The following FGGY variants were observed in gnomAD, a reference collection of about 807,000 sequenced individuals.
FGGY encodes the protein FGGY carbohydrate kinase domain-containing protein.
FGGY carries 72 observed loss-of-function variants against 71.3 expected under a neutral mutation model. That is an observed-to-expected ratio of 1.01 (90% CI 0.84 to 1.23). FGGY has a LOEUF of 1.23. Among genes scored for constraint, FGGY ranks in the 50% most tolerant of loss-of-function variants. The pLI is 0.00. For synonymous variants in FGGY, 251 were observed against 250.3 expected, an observed-to-expected ratio of 1.00 and a Z score of -0.02; for missense variants, 668 against 682.3, an observed-to-expected ratio of 0.98 and a Z score of 0.23.
At chr1:59,583,247 G>A (rs2096226943) in intron 8 of FGGY, among the ~76,000 whole-genome samples, 1 of 143,048 alleles carries the variant, frequency 7.0e-6, no homozygotes, top group Non-Finnish European at 1.5e-5. Context: ...GTTCTCTTCG[G>A]CCCATCATCC....
rs763380259 is a variant in FGGY, at chr1:59,340,047, C to G, written c.291C>G (p.His97Gln). ...TGGTTGTTTTGGATAAGCAGTTTCA[C>G]CCATTACCAGTCAACCAGGAAGGTA... Reference protein sequence around the residue: ...CSLVVLDKQFHPLPVNQEGDS... With the variant: ...CSLVVLDKQFQPLPVNQEGDS... Residue 97 changes from histidine (H) to glutamine (Q), a missense_variant, in exon 3 of 16, where the codon CAC becomes CAG. Coordinates refer to ENST00000303721, the MANE Select transcript of FGGY (RefSeq NM_018291.5). The G allele has an allele frequency of 6.2e-7, 1 of 1,612,392 alleles. No homozygotes were observed. Among genetic ancestry groups the G allele is most frequent in the South Asian group, 1.1e-5 (1 of 90,716 alleles).
chr1:59,604,753 C>G (rs910903813), intron 8 of FGGY, among the ~76,000 whole-genome samples: 3 of 152,188 alleles, frequency 2.0e-5, no homozygotes, highest in African/African-American at 7.2e-5. Flanking sequence ...TACACAACCT[C>G]TTGGGGACTA....
intron 7 of FGGY, among the ~76,000 whole-genome samples, chr1:59,552,191 G>A (rs567979904): frequency 1.3e-5 from 2 of 152,308 alleles, no homozygotes; most frequent in African/African-American, 4.8e-5. Context: ...CCGAGTGGTG[G>A]AGGGGAAGCA....
chr1:59,541,485 G>A (rs1390661953), intron 7 of FGGY, among the ~76,000 whole-genome samples: 1 of 152,098 alleles, frequency 6.6e-6, no homozygotes. Context: ...GTCTGGCCTA[G>A]TTACTGCCTC....
chr1:59,762,449 C>T, intron 15 of FGGY, 54 bp from the exon 16 acceptor site: 1 of 1,357,308 alleles, frequency 7.4e-7, no homozygotes, highest in Non-Finnish European at 1.0e-6. Flanking sequence ...TACAGGGAAG[C>T]CCTGTGGCAG....
intron 8 of FGGY, among the ~76,000 whole-genome samples, chr1:59,605,671 T>G (rs919694184): frequency 1.3e-5 from 2 of 152,204 alleles, no homozygotes; most frequent in African/African-American, 4.8e-5. Flanking sequence ...TGTTTTTGTT[T>G]TTTGCCTTCC....
chr1:59,743,318 G>A (rs185738126), intron 14 of FGGY, among the ~76,000 whole-genome samples: 1 of 152,042 alleles, frequency 6.6e-6, no homozygotes, highest in Non-Finnish European at 1.5e-5. Flanking sequence ...TCCTCTTCCT[G>A]TCTCCCATGA....
At chr1:59,650,387 T>C (rs1395334219) in intron 11 of FGGY, among the ~76,000 whole-genome samples, 2 of 124,916 alleles carry the variant, frequency 1.6e-5, no homozygotes, top group African/African-American at 7.9e-5. Context: ...TCCTGGACTT[T>C]TTATGGTTGG....
rs1017966874 is a variant in FGGY, at chr1:59,518,138, C to T, written c.799+5699C>T. On this transcript the variant is annotated intron_variant, in intron 7 of 15. Coordinates refer to ENST00000303721, the MANE Select transcript of FGGY (RefSeq NM_018291.5). Reference sequence around the variant, plus strand: ...TAAACTGCTCATTTCAATTGCAGAGCCAGGCCAAAATGAGGATTTTGAATT... The same window carrying T: ...TAAACTGCTCATTTCAATTGCAGAGTCAGGCCAAAATGAGGATTTTGAATT... Among the ~76,000 whole-genome samples, 8 of 152,182 alleles carry T rather than the reference C, an allele frequency of 5.3e-5. No homozygotes were observed. The East Asian group carries it at 9.6e-4, about 18-fold the overall frequency.
intron 6 of FGGY, among the ~76,000 whole-genome samples, chr1:59,508,826 G>T (rs2094453984): frequency 6.6e-6 from 1 of 152,326 alleles, no homozygotes; most frequent in East Asian, 1.9e-4. Flanking sequence ...CACTGCTGTA[G>T]GTTGGGTTTT....
intron 4 of FGGY, among the ~76,000 whole-genome samples, chr1:59,371,508 A>G (rs2057629655): frequency 6.6e-6 from 1 of 152,200 alleles, no homozygotes; most frequent in Non-Finnish European, 1.5e-5. Flanking sequence ...CGAGACAGAA[A>G]GTCAACAAGG....
chr1:59,461,472 A>G (rs1322004611), intron 6 of FGGY, among the ~76,000 whole-genome samples: 4 of 152,252 alleles, frequency 2.6e-5, no homozygotes, highest in Non-Finnish European at 4.4e-5. Flanking sequence ...GACGGGAAGA[A>G]TGGAAACAAG....
At chr1:59,401,383 G>T (rs1489818741) in intron 5 of FGGY, among the ~76,000 whole-genome samples, 1 of 152,160 alleles carries the variant, frequency 6.6e-6, no homozygotes, top group Non-Finnish European at 1.5e-5. Flanking sequence ...TACTGACATT[G>T]TAACAATGTC....
At chr1:59,307,798 T>A (rs201915013) in intron 1 of FGGY, among the ~76,000 whole-genome samples, 468 of 1,406 alleles carry the variant, frequency 0.33, 5 homozygotes, top group African/African-American at 0.39. Flanking sequence ...ACCTCAAAAT[T>A]CCCCTCAAAG....
chr1:59,653,783 C>A (rs1369023217), intron 11 of FGGY, among the ~76,000 whole-genome samples: 10 of 152,302 alleles, frequency 6.6e-5, no homozygotes, highest in South Asian at 6.2e-4. Flanking sequence ...CTCCTCCTGC[C>A]ACCATCTTTT....
chr1:59,364,559 G>A (rs775002293), intron 4 of FGGY, among the ~76,000 whole-genome samples: 14 of 152,078 alleles, frequency 9.2e-5, no homozygotes, highest in African/African-American at 3.4e-4. Flanking sequence ...ATCATCTATA[G>A]ATCAGACAAA....
intron 6 of FGGY, among the ~76,000 whole-genome samples, chr1:59,496,073 C>T (rs950384309): frequency 1.3e-5 from 2 of 152,102 alleles, no homozygotes; most frequent in African/African-American, 2.4e-5. Flanking sequence ...TTACTTTGGG[C>T]AGTATGGCCA....
At chr1:59,356,865 G>T (rs2054422658) in intron 4 of FGGY, among the ~76,000 whole-genome samples, 1 of 152,148 alleles carries the variant, frequency 6.6e-6, no homozygotes, top group Non-Finnish European at 1.5e-5. Flanking sequence ...TCTAGACTGA[G>T]ACAGTAACTC....
At chr1:59,365,966 T>A (rs1031260722) in intron 4 of FGGY, among the ~76,000 whole-genome samples, 1 of 152,198 alleles carries the variant, frequency 6.6e-6, no homozygotes, top group African/African-American at 2.4e-5. Context: ...AGGACGGCAA[T>A]CAAAATCAGG....
Sources: allele counts gnomAD v4.1 joint callset (sites outside exome capture counted in the v4.1 genomes callset), GRCh38; gene constraint gnomAD v4.1.1; transcripts MANE v1.5; gene names NCBI Gene and HGNC (gene_info 2026-07-23, HGNC 2026-07-21).